Variants in CACNA1D observed in about 807,000 individuals in gnomAD.
The protein encoded by CACNA1D is calcium voltage-gated channel subunit alpha1 D.
CACNA1D carries 55 observed loss-of-function variants against 257.1 expected under a neutral mutation model. The ratio of observed to expected loss-of-function variants is 0.21; its 90% CI spans 0.17 to 0.27. CACNA1D has a LOEUF of 0.27. Ranked by LOEUF, CACNA1D falls within the 10% of genes least tolerant of loss-of-function variation. The pLI, the probability that CACNA1D is intolerant of heterozygous loss-of-function variation, is 1.00. For missense variants in CACNA1D, 1,876 were observed against 2,784.0 expected, an observed-to-expected ratio of 0.67 and a Z score of 7.34; for synonymous variants, 980 against 1,014.9, an observed-to-expected ratio of 0.97 and a Z score of 0.65.
rs1257224216 is a variant in CACNA1D at position 53,723,621 on chromosome 3, T to C, written c.1854T>C (p.Phe618=). The change falls in exon 13 of 48, where the codon TTT becomes TTC. Residue 618 remains phenylalanine, a synonymous_variant. Transcript: ENST00000350061. The surrounding 1 kb of genome is among the most constrained non-coding windows in gnomAD (Gnocchi z 5.6). ...EIMSPLGISV[F]RCVRLLRIFK... is the part of the protein sequence containing the mutation. ...TGTCTCCCCTGGGGATCTCTGTGTT[T>C]CGGTGTGTGCGCCTCTTAAGAATCT... The C allele has an allele frequency of 1.2e-6, 2 of 1,614,168 alleles. No homozygotes were observed. The highest frequency in any genetic ancestry group is 1.7e-6 in the Non-Finnish European group (2 of 1,180,030).
chr3:53,574,312 T>A lies in CACNA1D; in HGVS notation c.483+72592T>A, dbSNP rs550959074. ...AGCTCATGGGATGGTGTGAAAGGGA[T>A]ATGCTCATTCTCCTTTGAACCCTTC... On this transcript the variant is annotated intron_variant, in intron 3 of 47. Transcript: ENST00000350061. Among the ~76,000 whole-genome samples the A allele has an allele frequency of 2.0e-5, 3 of 152,280 alleles. No homozygotes were observed. The South Asian group carries it at 6.2e-4, about 32-fold the overall frequency.
intron 4 of CACNA1D, among the ~76,000 whole-genome samples, chr3:53,655,531 C>T (rs1293934936): frequency 6.6e-6 from 1 of 152,156 alleles, no homozygotes; most frequent in African/African-American, 2.4e-5. Context: ...GAAATGGTAT[C>T]TCGTGGTTTT....
chr3:53,629,925 A>G (rs1204732488), intron 3 of CACNA1D, among the ~76,000 whole-genome samples: 5 of 152,188 alleles, frequency 3.3e-5, no homozygotes, highest in Non-Finnish European at 7.3e-5. Context: ...CCATTTCTAG[A>G]GACAAGTTCA....
chr3:53,638,762 C>T (rs1381218439), intron 3 of CACNA1D, among the ~76,000 whole-genome samples: 6 of 152,224 alleles, frequency 3.9e-5, no homozygotes. Context: ...AGCATGGTGG[C>T]CACCTCTAGG....
chr3:53,639,859 C>CTTT (rs34925431), intron 3 of CACNA1D, among the ~76,000 whole-genome samples: 8 of 102,070 alleles, frequency 7.8e-5, no homozygotes, highest in South Asian at 3.6e-4. Flanking sequence ...TCATTTCTTA[C>CTTT]TTTTTTTTTT....
At chr3:53,555,552 T>C (rs2092629229) in intron 3 of CACNA1D, among the ~76,000 whole-genome samples, 2 of 149,564 alleles carry the variant, frequency 1.3e-5, no homozygotes, top group African/African-American at 4.9e-5. Context: ...ATCTAGGACT[T>C]TCTAAACCTG....
intron 3 of CACNA1D, among the ~76,000 whole-genome samples, chr3:53,638,725 C>A (rs1576188371): frequency 6.6e-6 from 1 of 152,222 alleles, no homozygotes; most frequent in Non-Finnish European, 1.5e-5. Flanking sequence ...GAACCTGAGC[C>A]CACTGTCCAA....
rs1163276899 is a variant in CACNA1D, at chr3:53,673,125, G to A, written c.1219G>A (p.Gly407Arg). Residue 407 changes from glycine to arginine, a missense_variant and splice_region_variant, in exon 8 of 48, where the codon GGA becomes AGA. This residue lies in a region of CACNA1D where 188 missense variants were observed against 390.4 expected (regional missense o/e 0.48). Transcript: ENST00000350061. The surrounding 1 kb of genome is among the most constrained non-coding windows in gnomAD (Gnocchi z 4.1). ...AAATCTTGTACTTGGTGTATTGAGC[G>A]GGTAAGCTACACCTCTTTCATCTTG... Reference protein sequence around the residue: ...VLNLVLGVLSGEFSKEREKAK... With the variant: ...VLNLVLGVLSREFSKEREKAK... The A allele has an allele frequency of 6.5e-7, 1 of 1,542,814 alleles. No homozygotes were observed. The highest frequency in any genetic ancestry group is 8.8e-7 in the Non-Finnish European group (1 of 1,138,784).
intron 11 of CACNA1D, 91 bp from the exon 12 acceptor site, chr3:53,722,223 G>T: frequency 3.4e-6 from 5 of 1,452,006 alleles, no homozygotes; most frequent in South Asian, 1.2e-5. Context: ...TAGACCTCCA[G>T]AGTGAAAGCC....
chr3:53,601,820 C>G (rs905458005), intron 3 of CACNA1D, among the ~76,000 whole-genome samples: 1 of 152,194 alleles, frequency 6.6e-6, no homozygotes, highest in Admixed American at 6.5e-5. Flanking sequence ...AAGCGATTCC[C>G]CTGCCTCAGC....
chr3:53,719,152 G>C (rs2094855151), intron 10 of CACNA1D, among the ~76,000 whole-genome samples: 1 of 152,146 alleles, frequency 6.6e-6, no homozygotes, highest in Non-Finnish European at 1.5e-5. Flanking sequence ...GTAAAGTGCA[G>C]GTGTCATTTT....
At chr3:53,648,849 C>T (rs548854954) in intron 3 of CACNA1D, among the ~76,000 whole-genome samples, 45 of 152,094 alleles carry the variant, frequency 3.0e-4, no homozygotes, top group Non-Finnish European at 5.9e-4. Context: ...CACACACACA[C>T]ACACACACAC....
At chr3:53,736,972 T>TGGCATCCATGGATTC (rs1352767314) in intron 20 of CACNA1D, among the ~76,000 whole-genome samples, 2 of 151,898 alleles carry the variant, frequency 1.3e-5, no homozygotes, top group South Asian at 2.1e-4. Context: ...TCCATGGGTT[T>TGGCATCCATGGATTC]GGCATCCATG....
Position 53,786,893 on chromosome 3 carries a change from C to T in CACNA1D, c.4864C>T (p.Arg1622Trp), listed in dbSNP as rs145414503. The change falls in exon 40 of 48, where the codon CGG becomes TGG. Residue 1622 changes from arginine to tryptophan, a missense_variant. Physicochemically the swap from Arg to Trp is moderately radical, Grantham distance 101. Around this residue, in one of 10 missense-constraint regions of CACNA1D, gnomAD observed 160 missense variants for 236.6 expected, o/e 0.68. Coordinates refer to ENST00000350061, the MANE Select transcript of CACNA1D (RefSeq NM_001128840.3). ...GGACTACTTTAGGAAATTCAAGAAA[C>T]GGAAAGAACAAGGACTGGTGGGAAA... ...IQDYFRKFKK[R>W]KEQGLVGKYP... 1.9e-5 allele frequency: 31 copies of T among 1,613,640 alleles called. No individual in the cohort carries two copies. Among genetic ancestry groups the T allele is most frequent in the Non-Finnish European group, 2.3e-5 (27 of 1,179,698 alleles).
intron 7 of CACNA1D, among the ~76,000 whole-genome samples, chr3:53,670,027 C>G (rs1243858885): frequency 6.6e-6 from 1 of 152,166 alleles, no homozygotes; most frequent in East Asian, 1.9e-4. Context: ...GTATTGGTTT[C>G]AGGAGACAGC....
chr3:53,552,826 T>G (rs1403293899), intron 3 of CACNA1D, among the ~76,000 whole-genome samples: 1 of 152,252 alleles, frequency 6.6e-6, no homozygotes, highest in African/African-American at 2.4e-5. Flanking sequence ...TAAAAGGATT[T>G]ACTATTCTTA....
intron 3 of CACNA1D, among the ~76,000 whole-genome samples, chr3:53,581,851 T>G (rs2093138494): frequency 6.6e-6 from 1 of 152,216 alleles, no homozygotes; most frequent in South Asian, 2.1e-4. Flanking sequence ...GAGAAGCTGA[T>G]TCATGCTTAA....
rs72977420 is a variant in CACNA1D at position 53,734,520 on chromosome 3, A to C, written c.2622-854A>C. ...CATACATGTGTATATGTATATGTTT[A>C]AATTCTAAAGTCAAACATTGAGGGT... On this transcript the variant is annotated intron_variant, in intron 19 of 47. Transcript: ENST00000350061. Among the ~76,000 whole-genome samples the C allele has an allele frequency of 5.4e-3, 825 of 152,242 alleles. 12 individuals carry two copies. The highest frequency in any genetic ancestry group is 0.019 in the African/African-American group (784 of 41,542).
intron 3 of CACNA1D, among the ~76,000 whole-genome samples, chr3:53,551,838 T>C (rs1575838047): frequency 1.3e-5 from 2 of 152,294 alleles, no homozygotes; most frequent in South Asian, 4.1e-4. Flanking sequence ...TGGGTGGCTG[T>C]GTCATTTCTG....
Sources: gnomAD v4.1 joint callset for allele counts (sites outside exome capture counted in the v4.1 genomes callset) on GRCh38, gnomAD v4.1.1 for gene constraint, gnomAD v4.1.1 regional missense constraint, Gnocchi (gnomAD v3.1) non-coding constraint, MANE v1.5 for transcripts, NCBI Gene and HGNC (gene_info 2026-07-23, HGNC 2026-07-21) for gene names.